Variants in KDM6A observed in about 807,000 individuals in gnomAD.
The protein encoded by KDM6A is lysine-specific demethylase 6A.
A neutral mutation model predicts 117.6 loss-of-function variants in KDM6A; 11 were observed. The ratio of observed to expected loss-of-function variants is 0.09; its 90% CI spans 0.06 to 0.15. The LOEUF (loss-of-function observed/expected upper bound fraction) is 0.15. KDM6A is among the 10% of genes least tolerant of loss of function. The pLI is 1.00. For missense variants in KDM6A, 799 were observed against 1,077.3 expected (o/e 0.74, Z 3.62); for synonymous variants, 384 against 396.1 (o/e 0.97, Z 0.36).
At chrX:44,883,811 A>G (rs764071609) in intron 2 of KDM6A, among the ~76,000 whole-genome samples, 1 of 111,555 alleles carries the variant, frequency 9.0e-6, no homozygotes, top group South Asian at 3.7e-4. Context: ...AAAGAGTTAG[A>G]AGTATAAACT....
chrX:45,026,775 G>A (rs994331516), intron 6 of KDM6A, among the ~76,000 whole-genome samples: 2 of 102,779 alleles, frequency 1.9e-5, no homozygotes, highest in African/African-American at 7.3e-5. Context: ...AGATTGCAGT[G>A]AGCTGAGATC....
At chrX:44,995,597 G>A (rs1485580845) in intron 4 of KDM6A, among the ~76,000 whole-genome samples, 1 of 109,880 alleles carries the variant, frequency 9.1e-6, no homozygotes, top group Non-Finnish European at 1.9e-5. Context: ...TCAGCCTCCC[G>A]AGTAGCTGGG....
chrX:44,877,276 A>T lies in KDM6A; in HGVS notation c.225+3289A>T, dbSNP rs772180139. 4.5e-5 allele frequency among the ~76,000 whole-genome samples: 5 copies of T among 111,552 alleles called. No homozygotes were observed. The South Asian group carries it at 1.5e-3, about 33-fold the overall frequency. ...AATGCCTGGGGTTTTGGATTAAAAAAATAAGGTAGTTAATACAATGTATTA... is the reference window on the plus strand; with the variant it reads ...AATGCCTGGGGTTTTGGATTAAAAATATAAGGTAGTTAATACAATGTATTA... On this transcript the variant is annotated intron_variant, in intron 2 of 29. Coordinates refer to ENST00000611820, the MANE Select transcript of KDM6A (RefSeq NM_001291415.2).
At chrX:44,905,522 C>A (rs1181358293) in intron 2 of KDM6A, among the ~76,000 whole-genome samples, 1 of 111,878 alleles carries the variant, frequency 8.9e-6, no homozygotes, top group Non-Finnish European at 1.9e-5. Context: ...ATATCCTGGT[C>A]TTAAGGGATG....
At chrX:45,107,568 A>G (rs2046577460) in intron 28 of KDM6A, 32 bp downstream of exon 28, 8 of 1,196,624 alleles carry the variant, frequency 6.7e-6, no homozygotes, top group Non-Finnish European at 9.1e-6. Flanking sequence ...CAGTTGTTTT[A>G]TAAAGCCTCT....
At position 44,873,804 on chromosome X, in the gene KDM6A, G is replaced by C; in HGVS notation, c.161+92G>C. ...AGCGCGGCTTGTCTCTGGCGGCGGC[G>C]GGGCGGGCACCTCGGTTTGGCGCTC... On this transcript the variant is annotated intron_variant, in intron 1 of 29. Coordinates refer to ENST00000611820, the MANE Select transcript of KDM6A (RefSeq NM_001291415.2). 4 of 1,141,210 alleles carry C rather than the reference G, an allele frequency of 3.5e-6. No homozygotes were observed. The East Asian group carries it at 1.3e-4, about 37-fold the overall frequency. 94.0% of individuals were successfully genotyped at this position (1,141,210 alleles called of 1,213,427 possible). A position where few individuals can be genotyped will look rare whatever the true frequency, so the allele number is the denominator to read the frequency against.
At chrX:45,027,955 G>A (rs892086792) in intron 6 of KDM6A, among the ~76,000 whole-genome samples, 10 of 110,122 alleles carry the variant, frequency 9.1e-5, no homozygotes, top group Admixed American at 7.7e-4. Context: ...CACCACGCCC[G>A]GCTAATTTTT....
intron 21 of KDM6A, among the ~76,000 whole-genome samples, chrX:45,081,733 G>A (rs936268600): frequency 7.2e-5 from 8 of 111,348 alleles, no homozygotes; most frequent in African/African-American, 2.6e-4. Context: ...GAGGAAGTTG[G>A]ATACCATGCC....
intron 2 of KDM6A, among the ~76,000 whole-genome samples, chrX:44,958,604 C>CTTTTTTTTTTTATTTTTTTTT (rs2038484110): frequency 1.8e-5 from 1 of 56,441 alleles, no homozygotes; most frequent in African/African-American, 1.0e-4. Flanking sequence ...CTATATAGAC[C>CTTTTTTTTTTTATTTTTTTTT]TTTTTTTTTT....
Position 45,083,475 on chromosome X carries a change from A to G in KDM6A, c.3456A>G (p.Leu1152=). 2.5e-6 allele frequency: 3 copies of G among 1,209,668 alleles called. No individual in the cohort carries two copies. The highest frequency in any genetic ancestry group is 3.4e-6 in the Non-Finnish European group (3 of 893,790). ...TTTATTGCAGGTGGAAGTTGCAGCTACATGAGCTGACTAAACTTCCTGCTT... is the reference window on the plus strand; with the variant it reads ...TTTATTGCAGGTGGAAGTTGCAGCTGCATGAGCTGACTAAACTTCCTGCTT... ...LSDDKKWKLQ[L]HELTKLPAFV... The change falls in exon 24 of 30, where the codon CTA becomes CTG. Residue 1152 remains leucine (L), a synonymous_variant. Transcript: ENST00000611820.
At chrX:44,957,045 G>A (rs889443980) in intron 2 of KDM6A, among the ~76,000 whole-genome samples, 18 of 110,420 alleles carry the variant, frequency 1.6e-4, no homozygotes, top group South Asian at 3.8e-4. Flanking sequence ...CAGGAGAATC[G>A]CTTGCACGCA....
At chrX:44,922,024 GTGCCTTTTTTTTT>G (rs2035966987) in intron 2 of KDM6A, among the ~76,000 whole-genome samples, 1 of 27,496 alleles carries the variant, frequency 3.6e-5, no homozygotes, top group Non-Finnish European at 7.9e-5. Context: ...TTCATTGTGT[GTGCCTTTTTTTTT>G]TTTTTTTTTT....
chrX:44,901,160 C>G (rs973808902), intron 2 of KDM6A, among the ~76,000 whole-genome samples: 1 of 110,873 alleles, frequency 9.0e-6, no homozygotes, highest in African/African-American at 3.3e-5. Flanking sequence ...GCGGGCAGAT[C>G]ACTTGAGGGT....
chrX:45,011,144 A>G, intron 5 of KDM6A, 125 bp downstream of exon 5: 1 of 491,438 alleles, frequency 2.0e-6, no homozygotes, highest in Non-Finnish European at 3.5e-6. Flanking sequence ...TTAAACCTAC[A>G]CTTTTCAGTA....
At chrX:44,894,339 C>T (rs1293972053) in intron 2 of KDM6A, among the ~76,000 whole-genome samples, 23 of 111,224 alleles carry the variant, frequency 2.1e-4, no homozygotes, top group Non-Finnish European at 5.7e-5. Flanking sequence ...TGAGCTTTAT[C>T]TTTTTGGAGC....
intron 2 of KDM6A, among the ~76,000 whole-genome samples, chrX:44,920,013 G>A (rs2035811202): frequency 1.8e-5 from 2 of 112,084 alleles, no homozygotes; most frequent in Admixed American, 9.4e-5. Flanking sequence ...CTATTGTTCA[G>A]GAAACATACT....
rs1464862327 is a variant in KDM6A at position 45,111,429 on chromosome X, T to G, written c.*18T>G. Reference sequence around the variant, plus strand: ...CATCTTGATATTGTTCCATGGACATTAAATGAGACCTTTTCTGCTATTCAG... The same window carrying G: ...CATCTTGATATTGTTCCATGGACATGAAATGAGACCTTTTCTGCTATTCAG... On this transcript the variant is annotated 3_prime_UTR_variant, in exon 30 of 30. Transcript: ENST00000611820. The G allele has an allele frequency of 1.7e-6, 2 of 1,168,022 alleles. No homozygotes were observed. The highest frequency in any genetic ancestry group is 3.6e-5 in the African/African-American group (2 of 55,762).
intron 4 of KDM6A, among the ~76,000 whole-genome samples, chrX:44,991,927 G>C (rs1255561414): frequency 9.0e-6 from 1 of 110,600 alleles, no homozygotes; most frequent in Non-Finnish European, 1.9e-5. Flanking sequence ...GACCTCAGGT[G>C]ATCCGCCCGC....
chrX:44,892,764 G>A (rs1168075941), intron 2 of KDM6A, among the ~76,000 whole-genome samples: 2 of 109,936 alleles, frequency 1.8e-5, no homozygotes, highest in Non-Finnish European at 3.8e-5. Flanking sequence ...AGCACTTTGG[G>A]AGGCCGAGTG....
Sources: allele counts gnomAD v4.1 joint callset (sites outside exome capture counted in the v4.1 genomes callset), GRCh38; gene constraint gnomAD v4.1.1; transcripts MANE v1.5; gene names NCBI Gene and HGNC (gene_info 2026-07-23, HGNC 2026-07-21).